The following CNTNAP2 variants were observed in gnomAD, a reference collection of about 807,000 sequenced individuals.
CNTNAP2 encodes the protein contactin-associated protein-like 2.
In CNTNAP2, 98 loss-of-function variants were observed where a neutral mutation model predicts 155.2. That is an observed-to-expected ratio of 0.63 (90% confidence interval 0.54 to 0.75). The LOEUF (loss-of-function observed/expected upper bound fraction) is 0.75, where lower values mean the gene tolerates loss of function less well. Ranked by LOEUF, CNTNAP2 falls within the 30% of genes least tolerant of loss-of-function variation. The pLI, the probability that CNTNAP2 is intolerant of heterozygous loss-of-function variation, is 0.00. For missense variants in CNTNAP2, 1,727 were observed against 1,688.1 expected, an observed-to-expected ratio of 1.02 and a Z score of -0.40; for synonymous variants, 651 against 631.2, an observed-to-expected ratio of 1.03 and a Z score of -0.47.
intron 12 of CNTNAP2, among the ~76,000 whole-genome samples, chr7:147,613,436 A>T (rs562034347): frequency 6.6e-6 from 1 of 152,346 alleles, no homozygotes; most frequent in East Asian, 1.9e-4. Context: ...AGTGGCCTAA[A>T]ATTTCACATT....
At chr7:147,924,907 G>A (rs1050938907) in intron 14 of CNTNAP2, among the ~76,000 whole-genome samples, 7 of 151,964 alleles carry the variant, frequency 4.6e-5, no homozygotes, top group African/African-American at 1.7e-4. Flanking sequence ...CATGAGGTCA[G>A]GAGATCAAGA....
intron 13 of CNTNAP2, among the ~76,000 whole-genome samples, chr7:147,816,171 C>T (rs1798263286): frequency 6.6e-6 from 1 of 152,136 alleles, no homozygotes; most frequent in Non-Finnish European, 1.5e-5. Flanking sequence ...TCATCCTCTC[C>T]ATTTTCTTAA....
At chr7:147,594,153 G>A (rs974042592) in intron 12 of CNTNAP2, among the ~76,000 whole-genome samples, 1 of 135,144 alleles carries the variant, frequency 7.4e-6, no homozygotes, top group Non-Finnish European at 1.5e-5. Flanking sequence ...TTGAGATGGA[G>A]TCTCGCTCCA....
intron 1 of CNTNAP2, among the ~76,000 whole-genome samples, chr7:146,583,925 C>A (rs1798649636): frequency 6.6e-6 from 1 of 152,012 alleles, no homozygotes; most frequent in East Asian, 1.9e-4. Flanking sequence ...GATTGAGTTC[C>A]TTTTTTATGA....
intron 8 of CNTNAP2, among the ~76,000 whole-genome samples, chr7:147,183,500 G>A (rs1177202601): frequency 2.6e-5 from 4 of 151,988 alleles, no homozygotes; most frequent in African/African-American, 7.3e-5. Context: ...CTTCATTCTC[G>A]TTAGTTGCCT....
chr7:148,011,264 TAG>T (rs147886492), intron 15 of CNTNAP2, among the ~76,000 whole-genome samples: 3,570 of 152,274 alleles, frequency 0.023, 163 homozygotes, highest in African/African-American at 0.081. Flanking sequence ...TTTATCACTG[TAG>T]AGTATCCCAT....
chr7:146,765,810 C>T (rs1030076286), intron 1 of CNTNAP2, among the ~76,000 whole-genome samples: 4 of 152,146 alleles, frequency 2.6e-5, no homozygotes, highest in Admixed American at 1.3e-4. Context: ...GTAGTATTTG[C>T]GTCAGAATCA....
At position 148,061,511 on chromosome 7, in the gene CNTNAP2, G is replaced by A. The variant is rs193042463; in HGVS notation, c.2384-56607G>A. Among the ~76,000 whole-genome samples, 542 of 151,978 alleles carry A rather than the reference G, an allele frequency of 3.6e-3. 6 individuals are homozygous for A. The highest frequency in any genetic ancestry group is 0.012 in the African/African-American group (499 of 41,450). On this transcript the variant is annotated intron_variant, in intron 15 of 23. Coordinates refer to ENST00000361727, the MANE Select transcript of CNTNAP2 (RefSeq NM_014141.6). ...TGGGACTACAGGTGCACGCCATCAC[G>A]CCTGGCTAATTTTTTGTATTTTTAG...
intron 1 of CNTNAP2, among the ~76,000 whole-genome samples, chr7:146,519,127 G>A (rs757314531): frequency 2.6e-5 from 4 of 151,786 alleles, no homozygotes. Flanking sequence ...CGGAGTGCTT[G>A]GTGTAATGTC....
intron 1 of CNTNAP2, among the ~76,000 whole-genome samples, chr7:146,662,577 T>C (rs1278018042): frequency 1.3e-5 from 2 of 152,228 alleles, no homozygotes; most frequent in African/African-American, 2.4e-5. Context: ...GTTTATTTTT[T>C]ATATTTTAAC....
rs543859282 is a variant in CNTNAP2, at chr7:146,626,640, C to T, written c.98-147631C>T. On this transcript the variant is annotated intron_variant, in intron 1 of 23. Transcript: ENST00000361727. ...AATGTATCCAATGCTTAGTTATTTA[C>T]ACAAAATACATCAACTCATCATGAA... Among the ~76,000 whole-genome samples, 24 of 152,048 alleles carry T rather than the reference C, an allele frequency of 1.6e-4. No individual in the cohort carries two copies. The South Asian group carries it at 4.8e-3, about 30-fold the overall frequency.
At chr7:147,565,934 T>A (rs1800160822) in intron 12 of CNTNAP2, among the ~76,000 whole-genome samples, 1 of 151,808 alleles carries the variant, frequency 6.6e-6, no homozygotes, top group South Asian at 2.1e-4. Context: ...GAATTGATAA[T>A]ATCATTTGGG....
intron 21 of CNTNAP2, among the ~76,000 whole-genome samples, chr7:148,291,826 GA>G (rs948359219): frequency 6.6e-6 from 1 of 151,416 alleles, no homozygotes. Context: ...GTCAATTTTT[GA>G]AAAAAAATGT....
chr7:146,616,391 G>A (rs187903046), intron 1 of CNTNAP2, among the ~76,000 whole-genome samples: 100 of 152,182 alleles, frequency 6.6e-4, no homozygotes, highest in Middle Eastern at 3.4e-3. Flanking sequence ...TTGTTCAGGC[G>A]GAAGAATCTG....
At chr7:146,348,460 T>G (rs1436669655) in intron 1 of CNTNAP2, among the ~76,000 whole-genome samples, 2 of 152,022 alleles carry the variant, frequency 1.3e-5, no homozygotes, top group African/African-American at 4.8e-5. Context: ...GAAACATGGA[T>G]TAAAGCAAAA....
At position 147,420,891 on chromosome 7, in the gene CNTNAP2, C is replaced by T. The variant is rs543934513; in HGVS notation, c.1670+25111C>T. On this transcript the variant is annotated intron_variant, in intron 10 of 23. Coordinates refer to ENST00000361727, the MANE Select transcript of CNTNAP2 (RefSeq NM_014141.6). Reference sequence around the variant, plus strand: ...GTGTCAATGTTTGTAATCTAGTCCTCGGAGAATACAAAATTTTTGACAAAG... The same window carrying T: ...GTGTCAATGTTTGTAATCTAGTCCTTGGAGAATACAAAATTTTTGACAAAG... 6.8e-4 allele frequency among the ~76,000 whole-genome samples: 104 copies of T among 152,128 alleles called. No homozygotes were observed. The Middle Eastern group carries it at 0.01, about 15-fold the overall frequency.
chr7:147,348,662 G>T lies in CNTNAP2; in HGVS notation c.1499-46947G>T, dbSNP rs568642568. Among the ~76,000 whole-genome samples the T allele has an allele frequency of 9.3e-5, 14 of 151,200 alleles. No homozygotes were observed. The East Asian group carries it at 2.2e-3, about 23-fold the overall frequency. On this transcript the variant is annotated intron_variant, in intron 9 of 23. Coordinates refer to ENST00000361727, the MANE Select transcript of CNTNAP2 (RefSeq NM_014141.6). ...TAATGGGCGTTTATCCAAAGGAAAA[G>T]AAATCATTATAGCAAAGAGATATCT...
chr7:147,079,618 T>C (rs953563410), intron 4 of CNTNAP2, among the ~76,000 whole-genome samples: 5 of 149,672 alleles, frequency 3.3e-5, no homozygotes, highest in African/African-American at 1.2e-4. Context: ...ATAATAATAA[T>C]AATAATGCTA....
intron 10 of CNTNAP2, among the ~76,000 whole-genome samples, chr7:147,416,130 C>G (rs1379282715): frequency 6.6e-6 from 1 of 152,180 alleles, no homozygotes; most frequent in Non-Finnish European, 1.5e-5. Flanking sequence ...GTGGGTGATT[C>G]ACACCCTATT....
Sources: allele counts gnomAD v4.1 joint callset (sites outside exome capture counted in the v4.1 genomes callset), GRCh38; gene constraint gnomAD v4.1.1; transcripts MANE v1.5; gene names NCBI Gene and HGNC (gene_info 2026-07-23, HGNC 2026-07-21).